Variants in RTTN observed in about 807,000 individuals in gnomAD.
The protein encoded by RTTN is rotatin.
Under a neutral mutation model 269.2 loss-of-function variants are expected in RTTN, and 182 were observed. The observed-to-expected ratio is 0.68, with a 90% confidence interval of 0.60 to 0.76. The LOEUF (loss-of-function observed/expected upper bound fraction) is 0.76, where lower values mean the gene tolerates loss of function less well. RTTN is among the 30% of genes least tolerant of loss of function. The pLI is 0.00. For synonymous variants in RTTN, 1,006 were observed against 963.5 expected, an observed-to-expected ratio of 1.04 and a Z score of -0.82; for missense variants, 2,545 against 2,608.6, an observed-to-expected ratio of 0.98 and a Z score of 0.53.
At chr18:70,015,760 C>T (rs2056520462) in intron 46 of RTTN, among the ~76,000 whole-genome samples, 1 of 152,144 alleles carries the variant, frequency 6.6e-6, no homozygotes, top group Admixed American at 6.6e-5. Context: ...ATGCAGACTT[C>T]TCTCCTTCAC....
intron 21 of RTTN, among the ~76,000 whole-genome samples, chr18:70,136,493 C>T (rs1242545877): frequency 6.6e-6 from 1 of 151,404 alleles, no homozygotes; most frequent in African/African-American, 2.4e-5. Flanking sequence ...AGGATTGTGC[C>T]TATCTTATAA....
chr18:70,133,967 T>C (rs573459083), intron 23 of RTTN, among the ~76,000 whole-genome samples: 11 of 152,196 alleles, frequency 7.2e-5, no homozygotes, highest in Admixed American at 2.0e-4. Context: ...AAAAGATACT[T>C]GGAGATAACT....
At position 70,193,562 on chromosome 18, in the gene RTTN, G is replaced by A. The variant is rs1600046684; in HGVS notation, c.842-109C>T. 3 of 845,108 alleles carry A rather than the reference G, an allele frequency of 3.5e-6. No homozygotes were observed. In the East Asian group the frequency reaches 9.5e-5, roughly 27 times the overall value. The allele number at this position is 845,108 out of a possible 1,614,324, so 52.4% of individuals were successfully genotyped here. ...AAACATTAACAAATTAAGATAGTAG[G>A]AATCCTTCTACAGGGGTAAAAACAA... is the stretch of plus-strand genomic sequence containing the variant. On this transcript the variant is annotated intron_variant, in intron 7 of 48. Transcript: ENST00000640769.
At position 70,104,205 on chromosome 18, in the gene RTTN, C is replaced by G. The variant is rs558958341; in HGVS notation, c.3903+5293G>C. On this transcript the variant is annotated intron_variant, in intron 28 of 48. Coordinates refer to ENST00000640769, the MANE Select transcript of RTTN (RefSeq NM_173630.4). ...TTTGTTTCTTTTTATTCTTTTTTCTCTAAACTTCTCTTCTCGCTTCATTTC... is the reference window on the plus strand; with the variant it reads ...TTTGTTTCTTTTTATTCTTTTTTCTGTAAACTTCTCTTCTCGCTTCATTTC... Among the ~76,000 whole-genome samples the G allele has an allele frequency of 2.0e-5, 3 of 152,276 alleles. No homozygotes were observed. In the South Asian group the frequency reaches 6.2e-4, roughly 32 times the overall value.
At position 70,166,901 on chromosome 18, in the gene RTTN, TAAGA is replaced by T; in HGVS notation, c.1802+14_1802+17del. Reference sequence around the variant, plus strand: ...GTGTCCAATAATAACGTAATCACATTAAGAAAGAAAATATTACATCTTTGAACAA... The same window carrying T: ...GTGTCCAATAATAACGTAATCACATTAAGAAAATATTACATCTTTGAACAA... On this transcript the variant is annotated intron_variant, in intron 13 of 48. Coordinates refer to ENST00000640769, the MANE Select transcript of RTTN (RefSeq NM_173630.4). The T allele has an allele frequency of 6.5e-7, 1 of 1,545,716 alleles. No homozygotes were observed. The highest frequency in any genetic ancestry group is 1.1e-5 in the South Asian group (1 of 89,148).
At position 70,003,850 on chromosome 18, in the gene RTTN, G is replaced by A; in HGVS notation, c.*301C>T. The A allele has an allele frequency of 4.7e-6, 1 of 213,044 alleles. No homozygotes were observed. Among genetic ancestry groups the A allele is most frequent in the East Asian group, 9.9e-5 (1 of 10,152 alleles). 13.2% of individuals were successfully genotyped at this position (213,044 alleles called of 1,614,324 possible). On this transcript the variant is annotated 3_prime_UTR_variant, in exon 49 of 49. Coordinates refer to ENST00000640769, the MANE Select transcript of RTTN (RefSeq NM_173630.4). ...GTTTTATTAAATAACTGTTAAATAG[G>A]ATTTTTACAAAATAAATGGCATAGA...
chr18:70,158,909 A>AT (rs58343591), intron 14 of RTTN, among the ~76,000 whole-genome samples: 126,411 of 152,118 alleles, frequency 0.83, 55,631 homozygotes, highest in East Asian at 1. Flanking sequence ...TCCTAAATAT[A>AT]ATGCACCCAG....
chr18:70,014,054 C>A (rs566883799), intron 46 of RTTN, among the ~76,000 whole-genome samples: 18 of 152,170 alleles, frequency 1.2e-4, no homozygotes, highest in Non-Finnish European at 2.5e-4. Context: ...ATTTTGGCCA[C>A]TGAAGTTCTA....
At chr18:70,204,051 A>C (rs1423799644) in intron 3 of RTTN, 35 bp downstream of exon 3, 2 of 1,433,652 alleles carry the variant, frequency 1.4e-6, no homozygotes, top group Non-Finnish European at 1.9e-6. Flanking sequence ...CATTAGAATT[A>C]ATATATTTGT....
chr18:70,135,143 AAT>A, intron 22 of RTTN, 39 bp downstream of exon 22: 1 of 1,124,358 alleles, frequency 8.9e-7, no homozygotes, highest in Non-Finnish European at 1.3e-6. Context: ...ACCTGAGATA[AAT>A]AGTTAAGAGT....
chr18:70,204,007 A>T, intron 3 of RTTN, 79 bp downstream of exon 3: 3 of 1,152,942 alleles, frequency 2.6e-6, no homozygotes, highest in African/African-American at 1.5e-5. Flanking sequence ...AATCCTTTTT[A>T]AAAAAATCTA....
intron 14 of RTTN, among the ~76,000 whole-genome samples, chr18:70,150,964 A>T (rs571708520): frequency 8.9e-4 from 136 of 151,956 alleles, no homozygotes; most frequent in African/African-American, 3.1e-3. Context: ...TTAAGTAAAC[A>T]AACGGCTGAG....
chr18:70,036,603 A>T (rs1420822449), intron 40 of RTTN, among the ~76,000 whole-genome samples: 1 of 152,176 alleles, frequency 6.6e-6, no homozygotes, highest in Non-Finnish European at 1.5e-5. Flanking sequence ...TACCAGGCTT[A>T]GTACCTGGGT....
intron 42 of RTTN, 88 bp from the exon 43 acceptor site, chr18:70,028,889 G>A (rs1050672014): frequency 1.8e-5 from 15 of 855,956 alleles, no homozygotes; most frequent in Non-Finnish European, 2.3e-5. Context: ...TTTGGGTCAC[G>A]GGACAATGCA....
intron 28 of RTTN, among the ~76,000 whole-genome samples, chr18:70,101,255 C>T (rs757621611): frequency 1.3e-5 from 2 of 152,102 alleles, no homozygotes; most frequent in East Asian, 3.9e-4. Flanking sequence ...AATTTCAGAG[C>T]CTGTTATTGA....
intron 26 of RTTN, among the ~76,000 whole-genome samples, chr18:70,117,532 C>T (rs147527841): frequency 6.6e-6 from 1 of 151,938 alleles, no homozygotes; most frequent in Admixed American, 6.6e-5. Context: ...AAAGTAGAAG[C>T]TTTCCGAAGA....
At chr18:70,092,489 T>G (rs944016400) in intron 29 of RTTN, among the ~76,000 whole-genome samples, 187 bp downstream of exon 29, 1 of 152,218 alleles carries the variant, frequency 6.6e-6, no homozygotes, top group Admixed American at 6.5e-5. Flanking sequence ...CAATTTCAAA[T>G]AAGATTCAGA....
Position 70,058,963 on chromosome 18 carries a change from C to G in RTTN, c.4940+887G>C, listed in dbSNP as rs536131058. On this transcript the variant is annotated intron_variant, in intron 36 of 48. Coordinates refer to ENST00000640769, the MANE Select transcript of RTTN (RefSeq NM_173630.4). ...ATATCCCAGAAAGAAAGAGAAGACACTATGATTTGGCAAGAAGATGCAAGA... is the reference window on the plus strand; with the variant it reads ...ATATCCCAGAAAGAAAGAGAAGACAGTATGATTTGGCAAGAAGATGCAAGA... 5.3e-5 allele frequency among the ~76,000 whole-genome samples: 8 copies of G among 152,228 alleles called. No individual in the cohort carries two copies. In the East Asian group the frequency reaches 1.4e-3, roughly 26 times the overall value.
At chr18:70,071,841 C>T (rs2058304252) in intron 34 of RTTN, among the ~76,000 whole-genome samples, 1 of 152,066 alleles carries the variant, frequency 6.6e-6, no homozygotes, top group African/African-American at 2.4e-5. Flanking sequence ...ATGATGCTTT[C>T]CTTGGAAAGA....
Sources: gnomAD v4.1 joint callset for allele counts (sites outside exome capture counted in the v4.1 genomes callset) on GRCh38, gnomAD v4.1.1 for gene constraint, MANE v1.5 for transcripts, NCBI Gene and HGNC (gene_info 2026-07-23, HGNC 2026-07-21) for gene names.